Variants in ZNF263 observed in about 807,000 individuals in gnomAD.
ZNF263 encodes zinc finger protein FPM315.
Under a neutral mutation model 63.1 loss-of-function variants are expected in ZNF263, and 49 were observed. The observed-to-expected ratio is 0.78, with a 90% CI of 0.62 to 0.99. ZNF263 has a LOEUF of 0.99. Ranked by LOEUF, ZNF263 falls within the 50% of genes least tolerant of loss-of-function variation. ZNF263 has a pLI of 0.00. For synonymous variants in ZNF263, 352 were observed against 324.2 expected, an observed-to-expected ratio of 1.09 and a Z score of -0.92; for missense variants, 872 against 854.8, an observed-to-expected ratio of 1.02 and a Z score of -0.25.
rs557899359 is a variant in ZNF263 at position 3,289,204 on chromosome 16, C to A, written c.887-189C>A. Among the ~76,000 whole-genome samples the A allele has an allele frequency of 2.6e-5, 4 of 152,266 alleles. No individual in the cohort carries two copies. In the South Asian group the frequency reaches 8.3e-4, roughly 32 times the overall value. Reference sequence around the variant, plus strand: ...TCTAAGACTGGTCTCGGCTCTGATTCCTTGACCAGTGGCCCGACCCTTTAT... The same window carrying A: ...TCTAAGACTGGTCTCGGCTCTGATTACTTGACCAGTGGCCCGACCCTTTAT... On this transcript the variant is annotated intron_variant, in intron 5 of 5. Transcript: ENST00000219069.
intron 4 of ZNF263, among the ~76,000 whole-genome samples, chr16:3,288,183 C>CA (rs1959451297): frequency 6.6e-6 from 1 of 150,844 alleles, no homozygotes; most frequent in African/African-American, 2.4e-5. Context: ...ACCTAGGAGG[C>CA]AGAGGTTGCA....
rs1286530244 is a variant in ZNF263, at chr16:3,289,579, C to T, written c.1073C>T (p.Ala358Val). 3.1e-6 allele frequency: 5 copies of T among 1,613,776 alleles called. No homozygotes were observed. The highest frequency in any genetic ancestry group is 1.6e-4 in the Middle Eastern group (1 of 6,082). Residue 358 changes from alanine to valine, a missense_variant, in exon 6 of 6, where the codon GCA becomes GTA. By Grantham distance (64) the Ala-to-Val change is moderately conservative (BLOSUM62 0). Transcript: ENST00000219069. ...PPEGGMEQAL[A>V]GASSGRELGR... ...GAGGGTGGAATGGAGCAGGCCTTGGCAGGAGCCTCAAGTGGCAGAGAACTG... is the reference window on the plus strand; with the variant it reads ...GAGGGTGGAATGGAGCAGGCCTTGGTAGGAGCCTCAAGTGGCAGAGAACTG...
At chr16:3,295,562 G>A (rs972515125), downstream of ZNF263, among the ~76,000 whole-genome samples, 5 of 152,254 alleles carry the variant, frequency 3.3e-5, no homozygotes, top group East Asian at 9.6e-4. Context: ...GCGGAGGGCC[G>A]AGCTGGGGTG....
chr16:3,292,778 C>T (rs1959645243), downstream of ZNF263: 1 of 152,250 alleles, frequency 6.6e-6, no homozygotes, highest in Non-Finnish European at 1.5e-5. Flanking sequence ...CATTGGAACG[C>T]TTCACTCAAA....
Position 3,291,201 on chromosome 16 carries a change from G to A in ZNF263, c.*643G>A. 1.0e-6 allele frequency: 1 copy of A among 985,642 alleles called. No homozygotes were observed. The highest frequency in any genetic ancestry group is 1.2e-6 in the Non-Finnish European group (1 of 830,118). The allele number at this position is 985,642 out of a possible 1,614,324, so 61.1% of individuals were successfully genotyped here. A position where few individuals can be genotyped will look rare whatever the true frequency, so the allele number is the denominator to read the frequency against. On this transcript the variant is annotated 3_prime_UTR_variant, in exon 6 of 6. Transcript: ENST00000219069. The stretch of plus-strand genomic sequence containing the variant: ...AGAGGCCCAAGGGCAATAATAAGGT[G>A]GAATTTGCAGGTCAGCCCAGGAATT...
intron 2 of ZNF263, 48 bp downstream of exon 2, chr16:3,285,287 G>C (rs1313091248): frequency 1.3e-6 from 2 of 1,556,822 alleles, no homozygotes; most frequent in South Asian, 1.1e-5. Context: ...GGGCTTGGGG[G>C]TTGCCCCCGA....
Position 3,285,686 on chromosome 16 carries a change from T to C in ZNF263, c.574T>C (p.Ser192Pro), listed in dbSNP as rs368902508. Residue 192 changes from serine to proline, a missense_variant, in exon 3 of 6, where the codon TCT becomes CCT. By Grantham distance (74) the Ser-to-Pro change is moderately conservative. Coordinates refer to ENST00000219069, the MANE Select transcript of ZNF263 (RefSeq NM_005741.5). ...DPQAVKERAL[S>P]APWLSLFPPE... Reference sequence around the variant, plus strand: ...ATAATTTCTGTCACCTTCAGCATTATCTGCTCCCTGGCTTTCTCTTTTTCC... The same window carrying C: ...ATAATTTCTGTCACCTTCAGCATTACCTGCTCCCTGGCTTTCTCTTTTTCC... 1.2e-6 allele frequency: 2 copies of C among 1,614,014 alleles called. No individual in the cohort carries two copies. Among genetic ancestry groups the C allele is most frequent in the African/African-American group, 1.3e-5 (1 of 74,888 alleles).
At chr16:3,292,189 G>C (rs1959629166), downstream of ZNF263, among the ~76,000 whole-genome samples, 1 of 152,204 alleles carries the variant, frequency 6.6e-6, no homozygotes. Context: ...AAGGTATCCA[G>C]CTGTTCTTCG....
chr16:3,293,246 G>A (rs1959661981), downstream of ZNF263: 1 of 152,208 alleles, frequency 6.6e-6, no homozygotes, highest in Non-Finnish European at 1.5e-5. Flanking sequence ...TTTTAAAAGT[G>A]TAACAGTTCC....
chr16:3,288,275 C>T (rs1256655918), intron 4 of ZNF263, among the ~76,000 whole-genome samples, 179 bp from the exon 5 acceptor site: 1 of 151,892 alleles, frequency 6.6e-6, no homozygotes, highest in African/African-American at 2.4e-5. Flanking sequence ...AAGTCTCCCT[C>T]CCCTAATTTC....
At chr16:3,299,097 C>T (rs770146674) in intron 1 of ZNF263, 1 of 1,428,410 alleles carries the variant, frequency 7.0e-7, no homozygotes. Flanking sequence ...CTTGTTGCAT[C>T]TCTTTCAGTG....
intron 3 of ZNF263, 100 bp downstream of exon 3, chr16:3,285,854 A>G: frequency 1.3e-6 from 2 of 1,523,876 alleles, no homozygotes; most frequent in Non-Finnish European, 1.8e-6. Context: ...CCCTTACCAC[A>G]GCGTCTCCCC....
At chr16:3,293,407 C>T (rs576419325), downstream of ZNF263, 10 of 152,360 alleles carry the variant, frequency 6.6e-5, no homozygotes, top group Non-Finnish European at 1.2e-4. Flanking sequence ...TTGTAAATTA[C>T]GCAGTCTCTG....
intron 5 of ZNF263, 39 bp from the exon 6 acceptor site, chr16:3,289,354 A>C (rs369449892): frequency 2.7e-6 from 4 of 1,494,014 alleles, no homozygotes; most frequent in East Asian, 2.3e-5. Flanking sequence ...TCTCCAGCAT[A>C]GAAATAATGT....
chr16:3,291,518 C>T, downstream of ZNF263: 1 of 983,684 alleles, frequency 1.0e-6, no homozygotes, highest in African/African-American at 1.7e-5. Context: ...GATCTGTCTC[C>T]CCTCTGCCTT....
At chr16:3,288,167 G>A (rs12921606) in intron 4 of ZNF263, among the ~76,000 whole-genome samples, 44,063 of 151,136 alleles carry the variant, frequency 0.29, 6,983 homozygotes, top group Admixed American at 0.34. Flanking sequence ...CAGGAGAATC[G>A]CTTGAACCTA....
At chr16:3,285,354 T>C in intron 2 of ZNF263, 115 bp downstream of exon 2, 1 of 1,239,952 alleles carries the variant, frequency 8.1e-7, no homozygotes, top group Non-Finnish European at 1.1e-6. Flanking sequence ...GATCAGGTTC[T>C]CACCTGTGGA....
chr16:3,294,070 C>T (rs966382645), downstream of ZNF263, among the ~76,000 whole-genome samples: 3 of 152,152 alleles, frequency 2.0e-5, no homozygotes, highest in Admixed American at 1.3e-4. Flanking sequence ...GGACTACAGG[C>T]GCCCGCCACC....
At chr16:3,294,272 A>C (rs1442048228), downstream of ZNF263, among the ~76,000 whole-genome samples, 1 of 152,156 alleles carries the variant, frequency 6.6e-6, no homozygotes, top group Admixed American at 6.5e-5. Flanking sequence ...ATTAACTGAT[A>C]CTACTTTGGA....
Sources: allele counts gnomAD v4.1 joint callset (sites outside exome capture counted in the v4.1 genomes callset), GRCh38; gene constraint gnomAD v4.1.1; transcripts MANE v1.5; gene names NCBI Gene and HGNC (gene_info 2026-07-23, HGNC 2026-07-21).